TNN: variants seen among roughly 807,000 people sequenced by gnomAD.
The protein encoded by TNN is tenascin-N.
In TNN, 122 loss-of-function variants were observed where a neutral mutation model predicts 134.4. The ratio of observed to expected loss-of-function variants is 0.91; its 90% CI spans 0.78 to 1.06. The LOEUF is 1.06. Among genes scored for constraint, TNN ranks in the 50% least tolerant of loss-of-function variants. The pLI is 0.00. For synonymous variants in TNN, 710 were observed against 670.3 expected (o/e 1.06, Z -0.91); for missense variants, 1,739 against 1,699.4 (o/e 1.02, Z -0.41).
Position 175,080,347 on chromosome 1 carries a change from T to A in TNN, c.969T>A (p.Pro323=). ...GCTATGAGATTCTTGGTTTGCTGCCTGGAACCAAGTACATAGTCACCCTGC... is the reference window on the plus strand; with the variant it reads ...GCTATGAGATTCTTGGTTTGCTGCCAGGAACCAAGTACATAGTCACCCTGC... ...QHSYEILGLL[P]GTKYIVTLRN... is the part of the protein sequence containing the mutation. Residue 323 remains proline (P), a synonymous_variant, in exon 4 of 19, where the codon CCT becomes CCA. Coordinates refer to ENST00000239462, the MANE Select transcript of TNN (RefSeq NM_022093.2). 1.2e-6 allele frequency: 2 copies of A among 1,614,126 alleles called. No individual in the cohort carries two copies. Among genetic ancestry groups the A allele is most frequent in the Non-Finnish European group, 1.7e-6 (2 of 1,180,014 alleles).
At chr1:175,145,259 G>A (rs1322042241) in intron 18 of TNN, among the ~76,000 whole-genome samples, 1 of 152,008 alleles carries the variant, frequency 6.6e-6, no homozygotes, top group Non-Finnish European at 1.5e-5. Flanking sequence ...TTGAACAAGA[G>A]CTATTTCTTT....
chr1:175,095,835 A>C (rs1674557334), intron 7 of TNN, among the ~76,000 whole-genome samples: 1 of 152,198 alleles, frequency 6.6e-6, no homozygotes. Flanking sequence ...CGGCCTCCCA[A>C]AGTGCTGGGA....
At chr1:175,098,745 T>C (rs141170775) in intron 9 of TNN, 150 bp downstream of exon 9, 2 of 1,185,444 alleles carry the variant, frequency 1.7e-6, no homozygotes, top group Non-Finnish European at 2.3e-6. Flanking sequence ...CACTTCCTTT[T>C]ACTGGCCTCT....
intron 9 of TNN, among the ~76,000 whole-genome samples, chr1:175,109,070 G>GTTTTTTTT (rs1338891175): frequency 1.6e-4 from 14 of 88,338 alleles, no homozygotes; most frequent in African/African-American, 8.4e-4. Flanking sequence ...CTATCTAACT[G>GTTTTTTTT]TATTTTTTTT....
chr1:175,130,174 G>A (rs999289811), intron 15 of TNN, among the ~76,000 whole-genome samples: 3 of 152,106 alleles, frequency 2.0e-5, no homozygotes, highest in African/African-American at 4.8e-5. Context: ...CTGTGCATCC[G>A]CAACTCACTG....
At chr1:175,115,102 G>T (rs576655899) in intron 9 of TNN, among the ~76,000 whole-genome samples, 33 of 152,174 alleles carry the variant, frequency 2.2e-4, no homozygotes, top group African/African-American at 8.0e-4. Flanking sequence ...GGCCAGTAGG[G>T]TGGGGTGTCT....
chr1:175,126,002 T>C (rs190343059), intron 12 of TNN, among the ~76,000 whole-genome samples: 12 of 150,634 alleles, frequency 8.0e-5, no homozygotes, highest in Admixed American at 7.3e-4. Context: ...AAGCACCTGT[T>C]CCCTTGCCTT....
intron 2 of TNN, 128 bp from the exon 3 acceptor site, chr1:175,079,205 C>A (rs2149426755): frequency 1.2e-3 from 1,132 of 956,048 alleles, no homozygotes; most frequent in Middle Eastern, 3.1e-3. Context: ...CCGTGCAAGA[C>A]CCAGAAATCA....
intron 9 of TNN, among the ~76,000 whole-genome samples, chr1:175,105,336 G>A (rs1361882155): frequency 1.4e-5 from 2 of 145,682 alleles, no homozygotes; most frequent in African/African-American, 4.9e-5. Flanking sequence ...CCTACAGCTT[G>A]AAGGGGACAT....
intron 9 of TNN, among the ~76,000 whole-genome samples, chr1:175,110,497 C>T (rs924963798): frequency 5.3e-5 from 8 of 152,182 alleles, no homozygotes; most frequent in Non-Finnish European, 1.2e-4. Context: ...TTCATAGTTT[C>T]AGGTCTTACA....
rs758081218 is a variant in TNN at position 175,147,204 on chromosome 1, A to G, written c.*133A>G. On this transcript the variant is annotated 3_prime_UTR_variant, in exon 19 of 19. Transcript: ENST00000239462. ...AAATCATGTCACCAAGCTTCAAGCC[A>G]TGGAGGTTCCTTCCCTCTCACCTGC... 2.5e-4 allele frequency: 246 copies of G among 975,808 alleles called. 1 individual carries two copies. The highest frequency in any genetic ancestry group is 3.2e-4 in the Non-Finnish European group (229 of 722,066). The allele number at this position is 975,808 out of a possible 1,614,324, so 60.4% of individuals were successfully genotyped here.
At chr1:175,122,874 T>C (rs981560147) in intron 11 of TNN, among the ~76,000 whole-genome samples, 1 of 152,190 alleles carries the variant, frequency 6.6e-6, no homozygotes, top group Admixed American at 6.5e-5. Flanking sequence ...AAAGGGCAGA[T>C]CTGCAGCAAA....
At chr1:175,075,488 G>T (rs367943758) in intron 1 of TNN, among the ~76,000 whole-genome samples, 3 of 152,168 alleles carry the variant, frequency 2.0e-5, no homozygotes, top group Non-Finnish European at 2.9e-5. Context: ...GTAGAGAAAG[G>T]TTTCACCATG....
At chr1:175,119,633 T>C (rs974472433) in intron 11 of TNN, among the ~76,000 whole-genome samples, 4 of 144,318 alleles carry the variant, frequency 2.8e-5, no homozygotes, top group Non-Finnish European at 4.5e-5. Flanking sequence ...GAATGCCTTT[T>C]TTTTCTTTTT....
intron 2 of TNN, among the ~76,000 whole-genome samples, chr1:175,078,497 A>C (rs1674107727): frequency 6.6e-6 from 1 of 152,198 alleles, no homozygotes; most frequent in African/African-American, 2.4e-5. Flanking sequence ...AATGATAATG[A>C]ACAGTACTTT....
At chr1:175,146,805 T>G in intron 18 of TNN, 126 bp from the exon 19 acceptor site, 1 of 942,658 alleles carries the variant, frequency 1.1e-6, no homozygotes, top group Non-Finnish European at 1.5e-6. Flanking sequence ...TCTTTCTCTC[T>G]CCTGAGCAGA....
intron 17 of TNN, among the ~76,000 whole-genome samples, chr1:175,139,112 A>T (rs972365784): frequency 7.9e-5 from 12 of 152,226 alleles, no homozygotes; most frequent in Admixed American, 7.9e-4. Context: ...AAGGCCCAGG[A>T]CAGGACTGTG....
At chr1:175,094,632 A>G (rs1250664226) in intron 7 of TNN, among the ~76,000 whole-genome samples, 1 of 152,180 alleles carries the variant, frequency 6.6e-6, no homozygotes, top group Non-Finnish European at 1.5e-5. Flanking sequence ...TATAATCTGG[A>G]GCTCTCTTTT....
chr1:175,080,854 AAAG>A (rs1457386693), intron 4 of TNN, among the ~76,000 whole-genome samples: 4 of 152,248 alleles, frequency 2.6e-5, no homozygotes, highest in African/African-American at 9.6e-5. Context: ...ATGAAATTTC[AAAG>A]TTTAACTAAC....
Sources: gnomAD v4.1 joint callset for allele counts (sites outside exome capture counted in the v4.1 genomes callset) on GRCh38, gnomAD v4.1.1 for gene constraint, MANE v1.5 for transcripts, NCBI Gene and HGNC (gene_info 2026-07-23, HGNC 2026-07-21) for gene names.